The following CALN1 variants were observed in gnomAD, a reference collection of about 807,000 sequenced individuals.
The protein encoded by CALN1 is calneuron 1, also known as calcium-binding protein 8.
CALN1 carries 17 observed loss-of-function variants against 30.6 expected under a neutral mutation model. That is an observed-to-expected ratio of 0.56 (90% CI 0.38 to 0.83). The LOEUF (loss-of-function observed/expected upper bound fraction) is 0.83. CALN1 is among the 40% of genes least tolerant of loss of function. The pLI is 0.00. For missense variants in CALN1, 291 were observed against 354.9 expected (o/e 0.82, Z 1.45); for synonymous variants, 156 against 131.4 (o/e 1.19, Z -1.28).
intron 2 of CALN1, among the ~76,000 whole-genome samples, chr7:72,315,060 AG>A (rs1488750276): frequency 6.6e-6 from 1 of 151,826 alleles, no homozygotes; most frequent in Non-Finnish European, 1.5e-5. Flanking sequence ...CTGAGGCAGG[AG>A]GATCACTTAA....
intron 2 of CALN1, among the ~76,000 whole-genome samples, chr7:72,323,128 T>C (rs1236639817): frequency 6.6e-6 from 1 of 151,714 alleles, no homozygotes; most frequent in Non-Finnish European, 1.5e-5. Flanking sequence ...ATAAGTTTCA[T>C]CCTGACAACT....
chr7:72,409,312 A>G (rs1345864063), intron 1 of CALN1, among the ~76,000 whole-genome samples: 2 of 151,580 alleles, frequency 1.3e-5, no homozygotes, highest in Non-Finnish European at 2.9e-5. Context: ...TCTTAAATGG[A>G]CCTCTGTGCT....
At chr7:72,396,122 GCA>G (rs1453392504) in intron 2 of CALN1, among the ~76,000 whole-genome samples, 2 of 150,696 alleles carry the variant, frequency 1.3e-5, no homozygotes, top group Non-Finnish European at 2.9e-5. Flanking sequence ...GTCAGGCCGG[GCA>G]CAGTGTCTCA....
At chr7:71,866,333 T>A (rs183098693) in intron 5 of CALN1, among the ~76,000 whole-genome samples, 57 of 152,244 alleles carry the variant, frequency 3.7e-4, no homozygotes, top group African/African-American at 1.3e-3. Context: ...TATATGTTTA[T>A]TATATATTAC....
intron 5 of CALN1, among the ~76,000 whole-genome samples, chr7:71,838,145 T>C (rs1438710011): frequency 6.6e-6 from 1 of 152,064 alleles, no homozygotes. Context: ...GGAAGTAAAG[T>C]GCTCTTCAAA....
At chr7:72,097,052 CACA>C (rs971015042) in intron 4 of CALN1, among the ~76,000 whole-genome samples, 2 of 151,998 alleles carry the variant, frequency 1.3e-5, no homozygotes, top group Non-Finnish European at 2.9e-5. Flanking sequence ...AGCAAACTAT[CACA>C]ACGACAGAAA....
chr7:72,319,051 G>C (rs1375314290), intron 2 of CALN1, among the ~76,000 whole-genome samples: 1 of 151,758 alleles, frequency 6.6e-6, no homozygotes, highest in East Asian at 1.9e-4. Flanking sequence ...CAAAGGAAAA[G>C]AAATCATCTT....
intron 5 of CALN1, among the ~76,000 whole-genome samples, chr7:72,004,832 T>A (rs1236762309): frequency 6.6e-6 from 1 of 151,864 alleles, no homozygotes; most frequent in Non-Finnish European, 1.5e-5. Context: ...AACTAACCAA[T>A]TAGAATATGG....
the CALN1 span, among the ~76,000 whole-genome samples, chr7:72,473,631 T>C: frequency 1.3e-5 from 2 of 152,162 alleles, no homozygotes; most frequent in Non-Finnish European, 2.9e-5. Context: ...TAAGTAAAGC[T>C]GGTTCAAAAA....
rs1187152159 is a variant in CALN1, at chr7:72,153,631, A to G, written c.245-47337T>C. On this transcript the variant is annotated intron_variant, in intron 3 of 6. Coordinates refer to ENST00000395275, the MANE Select transcript of CALN1 (RefSeq NM_031468.4). ...CCGGAGTTCAAGGCTGCAGTGAGCC[A>G]TGATTCGTCACTGCACCCTAGTCTG... Among the ~76,000 whole-genome samples, 3 of 152,138 alleles carry G rather than the reference A, an allele frequency of 2.0e-5. No individual in the cohort carries two copies. The East Asian group carries it at 5.8e-4, about 29-fold the overall frequency.
intron 5 of CALN1, among the ~76,000 whole-genome samples, chr7:71,818,189 G>A (rs1055809603): frequency 1.1e-4 from 17 of 152,108 alleles, no homozygotes; most frequent in Non-Finnish European, 8.8e-5. Flanking sequence ...ACCTGGTTGG[G>A]GGTGAAGGGT....
chr7:72,305,123 G>T (rs540947228), intron 2 of CALN1, among the ~76,000 whole-genome samples: 10 of 152,270 alleles, frequency 6.6e-5, no homozygotes, highest in African/African-American at 2.4e-4. Context: ...TTAACAGCTG[G>T]CTGTGTCAGC....
At chr7:72,227,539 C>CA (rs756184802) in intron 3 of CALN1, among the ~76,000 whole-genome samples, 39 of 83,416 alleles carry the variant, frequency 4.7e-4, no homozygotes, top group Non-Finnish European at 7.2e-4. Context: ...GACTCCGTCT[C>CA]AAAAAAAAAA....
intron 5 of CALN1, among the ~76,000 whole-genome samples, chr7:72,006,266 A>T (rs1799767269): frequency 6.6e-6 from 1 of 152,256 alleles, no homozygotes; most frequent in African/African-American, 2.4e-5. Flanking sequence ...TCAGACAAAT[A>T]TAATTTTAAA....
chr7:72,381,132 C>A (rs1301289400), intron 2 of CALN1, among the ~76,000 whole-genome samples: 1 of 152,096 alleles, frequency 6.6e-6, no homozygotes, highest in Non-Finnish European at 1.5e-5. Flanking sequence ...AGACGGAAAG[C>A]ACAAAGACAT....
At chr7:72,260,493 C>CA (rs1796192244) in intron 3 of CALN1, among the ~76,000 whole-genome samples, 1 of 152,174 alleles carries the variant, frequency 6.6e-6, no homozygotes, top group African/African-American at 2.4e-5. Context: ...CGTGGAGATT[C>CA]AAAATCTAAA....
At chr7:72,044,599 C>CTTTTTTTTTTTTTTT (rs549079139) in intron 4 of CALN1, among the ~76,000 whole-genome samples, 6 of 96,688 alleles carry the variant, frequency 6.2e-5, no homozygotes, top group African/African-American at 2.5e-4. Context: ...CCGCTTAAAA[C>CTTTTTTTTTTTTTTT]TTTTTTTTTT....
chr7:72,369,313 ATATT>A (rs989380743), intron 2 of CALN1, among the ~76,000 whole-genome samples: 3 of 144,220 alleles, frequency 2.1e-5, no homozygotes, highest in Admixed American at 7.0e-5. Flanking sequence ...ATATTTATAA[ATATT>A]TATAATATAT....
chr7:72,092,171 C>G (rs536268704), intron 4 of CALN1, among the ~76,000 whole-genome samples: 76 of 152,194 alleles, frequency 5.0e-4, no homozygotes, highest in Middle Eastern at 3.4e-3. Context: ...TCCACAGAAT[C>G]AGTGCTTGGA....
Sources: allele counts gnomAD v4.1 joint callset (sites outside exome capture counted in the v4.1 genomes callset), GRCh38; gene constraint gnomAD v4.1.1; transcripts MANE v1.5; gene names NCBI Gene and HGNC (gene_info 2026-07-23, HGNC 2026-07-21).